Variants in RIF1 observed in about 807,000 individuals in gnomAD.
RIF1 encodes replication timing regulatory factor 1.
In RIF1, 45 loss-of-function variants were observed where a neutral mutation model predicts 247.1. The observed-to-expected ratio is 0.18, with a 90% CI of 0.14 to 0.23. The LOEUF is 0.23. Among genes scored for constraint, RIF1 ranks in the 10% least tolerant of loss-of-function variants. The pLI, the probability that RIF1 is intolerant of heterozygous loss-of-function variation, is 1.00. For synonymous variants in RIF1, 1,087 were observed against 978.8 expected (o/e 1.11, Z -2.06); for missense variants, 2,967 against 2,862.5 (o/e 1.04, Z -0.83).
At chr2:151,439,877 G>A (rs1299163569) in intron 14 of RIF1, 150 bp from the exon 15 acceptor site, 1 of 498,942 alleles carries the variant, frequency 2.0e-6, no homozygotes. Context: ...GGAAGCTGAG[G>A]CAGGAGAATC....
chr2:151,491,939 A>C (rs2056935594), intron 9 of RIF1: 1 of 990,830 alleles, frequency 1.0e-6, no homozygotes, highest in African/African-American at 1.6e-5. Flanking sequence ...ATAAGGTAGA[A>C]ATCAGCTTTG....
chr2:151,508,775 A>T (rs989470685), downstream of RIF1, among the ~76,000 whole-genome samples: 1 of 152,232 alleles, frequency 6.6e-6, no homozygotes, highest in East Asian at 1.9e-4. Context: ...TGAACCAGAC[A>T]TCACTATTCC....
the RIF1 span, chr2:151,514,221 C>G: frequency 1.3e-6 from 1 of 797,744 alleles, no homozygotes. Context: ...CTGTTTTTCT[C>G]TGTTCTCTGT....
At chr2:151,420,455 G>T in intron 7 of RIF1, 76 bp downstream of exon 7, 1 of 1,427,194 alleles carries the variant, frequency 7.0e-7, no homozygotes. Flanking sequence ...ATTCAGTCTG[G>T]TGGCCAGGTA....
At chr2:151,437,098 A>G (rs1691366791) in intron 12 of RIF1, 95 bp downstream of exon 12, 5 of 1,270,634 alleles carry the variant, frequency 3.9e-6, no homozygotes, top group Non-Finnish European at 3.3e-6. Flanking sequence ...CGCAGCCAAA[A>G]TATTTTACAG....
chr2:151,481,607 G>A lies in RIF1; in HGVS notation c.*6536G>A, dbSNP rs1010080296. ...TTAGTTTTACATTCACAAAGTATTT[G>A]TATTTGATAAGTCTTAAAAATGATT... On this transcript the variant is annotated 3_prime_UTR_variant, in exon 36 of 36. Transcript: ENST00000444746. The A allele has an allele frequency of 1.3e-5, 2 of 152,190 alleles. No homozygotes were observed. Among genetic ancestry groups the A allele is most frequent in the Non-Finnish European group, 2.9e-5 (2 of 68,026 alleles). The allele number at this position is 152,190 out of a possible 1,614,324, so 9.4% of individuals were successfully genotyped here.
At position 151,411,303 on chromosome 2, in the gene RIF1, G is replaced by A; in HGVS notation, c.148G>A (p.Glu50Lys). ...AGGAAAAGAAGTAATTACAGAAATT[G>A]AGAAAAAACTTCCTCGGCTGTACAA... ...EEGKEVITEI[E>K]KKLPRLYKVL... The change falls in exon 3 of 36, where the codon GAG becomes AAG. Residue 50 changes from glutamate (E) to lysine (K), a missense_variant. Glu to Lys is a moderately conservative substitution (Grantham distance 56). This residue lies in a region of RIF1 where 269 missense variants were observed against 288.6 expected (regional missense o/e 0.93). Transcript: ENST00000444746. 2 of 1,603,362 alleles carry A rather than the reference G, an allele frequency of 1.2e-6. No homozygotes were observed. Among genetic ancestry groups the A allele is most frequent in the African/African-American group, 2.7e-5 (2 of 74,426 alleles).
chr2:151,416,764 G>C, intron 5 of RIF1, 43 bp from the exon 6 acceptor site: 3 of 1,602,246 alleles, frequency 1.9e-6, no homozygotes, highest in Non-Finnish European at 2.6e-6. Flanking sequence ...AATAAAAACA[G>C]TTCAGGCTTA....
chr2:151,447,524 A>G (rs760622574), intron 20 of RIF1, among the ~76,000 whole-genome samples: 10 of 152,110 alleles, frequency 6.6e-5, no homozygotes, highest in Non-Finnish European at 1.0e-4. Context: ...TGGTTGTACC[A>G]TTACTTGGAA....
In RIF1 at chr2:151,433,249, T is replaced by C. The variant is rs374524781; in HGVS notation, c.1077+21T>C. 55 of 1,572,614 alleles carry C rather than the reference T, an allele frequency of 3.5e-5. No homozygotes were observed. The African/African-American group carries it at 6.6e-4, about 19-fold the overall frequency. On this transcript the variant is annotated intron_variant, in intron 10 of 35. Transcript: ENST00000444746. ...AACAGGTAACATTACAAGTGTTGAC[T>C]ATAGCACTTTATGTTTTTGTTAATG...
At chr2:151,524,251 C>T in the RIF1 span, 4 of 1,389,076 alleles carry the variant, frequency 2.9e-6, no homozygotes, top group South Asian at 2.3e-5. Flanking sequence ...ATCACTTCTT[C>T]CTGCAAGGTC....
In RIF1 at chr2:151,416,597, A is replaced by C. The variant is rs372716838; in HGVS notation, c.317A>C (p.Asp106Ala). 5 of 1,605,904 alleles carry C rather than the reference A, an allele frequency of 3.1e-6. No homozygotes were observed. The African/African-American group carries it at 5.4e-5, about 17-fold the overall frequency. Reference sequence around the variant, plus strand: ...CTAGAATTGCTTTCAAAATTGAATGATACCATTAAGAATTCAGACAAAAAT... The same window carrying C: ...CTAGAATTGCTTTCAAAATTGAATGCTACCATTAAGAATTCAGACAAAAAT... ...NALELLSKLN[D>A]TIKNSDKNVR... Residue 106 changes from aspartate to alanine, a missense_variant, in exon 5 of 36, where the codon GAT becomes GCT. Physicochemically the swap from Asp to Ala is moderately radical, Grantham distance 126. Transcript: ENST00000444746.
chr2:151,526,297 C>A, the RIF1 span: 1 of 1,369,830 alleles, frequency 7.3e-7, no homozygotes, highest in East Asian at 2.4e-5. Context: ...TTCTTTAGCT[C>A]TGCTGGATAT....
chr2:151,410,409 C>A lies in RIF1; in HGVS notation c.-10-5C>A. 1 of 1,611,066 alleles carries A rather than the reference C, an allele frequency of 6.2e-7. No homozygotes were observed. Among genetic ancestry groups the A allele is most frequent in the Non-Finnish European group, 8.5e-7 (1 of 1,178,542 alleles). The stretch of plus-strand genomic sequence containing the variant: ...GATTTTCTCCTCTTCCGGTTCGGGC[C>A]TCAGGGTGGCCGACATGACGGCCAG... On this transcript the variant is annotated splice_polypyrimidine_tract_variant and splice_region_variant and intron_variant, in intron 1 of 35. Transcript: ENST00000444746.
chr2:151,433,246 G>T lies in RIF1; in HGVS notation c.1077+18G>T. On this transcript the variant is annotated intron_variant, in intron 10 of 35. Coordinates refer to ENST00000444746, the MANE Select transcript of RIF1 (RefSeq NM_018151.5). ...TTGAACAGGTAACATTACAAGTGTTGACTATAGCACTTTATGTTTTTGTTA... is the reference window on the plus strand; with the variant it reads ...TTGAACAGGTAACATTACAAGTGTTTACTATAGCACTTTATGTTTTTGTTA... 2 of 1,590,638 alleles carry T rather than the reference G, an allele frequency of 1.3e-6. No individual in the cohort carries two copies. Among genetic ancestry groups the T allele is most frequent in the South Asian group, 2.2e-5 (2 of 90,044 alleles).
intron 7 of RIF1, among the ~76,000 whole-genome samples, chr2:151,421,790 T>A (rs964633420): frequency 2.0e-5 from 3 of 152,152 alleles, no homozygotes; most frequent in Non-Finnish European, 4.4e-5. Context: ...CTCGAGTGTC[T>A]CATAAATAGC....
intron 21 of RIF1, 110 bp downstream of exon 21, chr2:151,451,815 C>T (rs890128766): frequency 1.6e-5 from 10 of 620,268 alleles, no homozygotes; most frequent in Non-Finnish European, 2.9e-5. Flanking sequence ...AACTTTTGAT[C>T]TTGTTTAACC....
Position 151,442,006 on chromosome 2 carries a change from T to C in RIF1, c.1734+15T>C, listed in dbSNP as rs1408963975. On this transcript the variant is annotated intron_variant, in intron 16 of 35. Transcript: ENST00000444746. The stretch of plus-strand genomic sequence containing the variant: ...ATATTCTTAATGCAAGTATCTTAAA[T>C]GTAATATGATGAAGATTGGCCAAAA... 3 of 1,121,516 alleles carry C rather than the reference T, an allele frequency of 2.7e-6. No individual in the cohort carries two copies. The African/African-American group carries it at 4.8e-5, about 18-fold the overall frequency. 69.5% of individuals were successfully genotyped at this position (1,121,516 alleles called of 1,614,324 possible). A position where few individuals can be genotyped will look rare whatever the true frequency, so the allele number is the denominator to read the frequency against.
intron 9 of RIF1, 27 bp from the exon 10 acceptor site, chr2:151,433,050 T>G: frequency 6.3e-7 from 1 of 1,586,748 alleles, no homozygotes; most frequent in African/African-American, 1.3e-5. Flanking sequence ...GGACGTCTCT[T>G]TAACTGTGTG....
Sources: gnomAD v4.1 joint callset for allele counts (sites outside exome capture counted in the v4.1 genomes callset) on GRCh38, gnomAD v4.1.1 for gene constraint, gnomAD v4.1.1 regional missense constraint, MANE v1.5 for transcripts, NCBI Gene and HGNC (gene_info 2026-07-23, HGNC 2026-07-21) for gene names.